Variants in CUBN observed in about 807,000 individuals in gnomAD.
The protein encoded by CUBN is 460 kDa receptor.
Under a neutral mutation model 405.3 loss-of-function variants are expected in CUBN, and 282 were observed. The observed-to-expected ratio is 0.70, with a 90% confidence interval of 0.63 to 0.77. The LOEUF (loss-of-function observed/expected upper bound fraction) is 0.77, where lower values mean the gene tolerates loss of function less well. CUBN is among the 30% of genes least tolerant of loss of function. The probability of loss-of-function intolerance (pLI) is 0.00; values close to 1 mark genes in which losing one functional copy is unlikely to be tolerated. For synonymous variants in CUBN, 1,684 were observed against 1,617.0 expected (o/e 1.04, Z -0.99); for missense variants, 4,514 against 4,475.2 (o/e 1.01, Z -0.25).
At chr10:17,116,558 G>C (rs922598532) in intron 6 of CUBN, among the ~76,000 whole-genome samples, 1 of 152,214 alleles carries the variant, frequency 6.6e-6, no homozygotes, top group African/African-American at 2.4e-5. Flanking sequence ...GGGCGTGCCT[G>C]CGTGGCCAGG....
At chr10:16,948,431 TACC>T in intron 35 of CUBN, 44 bp downstream of exon 35, 10 of 1,611,956 alleles carry the variant, frequency 6.2e-6, no homozygotes, top group Non-Finnish European at 2.5e-6. Flanking sequence ...CAAGAATTTC[TACC>T]ACATCCCTTT....
intron 33 of CUBN, among the ~76,000 whole-genome samples, chr10:16,951,666 A>G (rs925812976): frequency 1.3e-5 from 2 of 152,192 alleles, no homozygotes; most frequent in African/African-American, 4.8e-5. Context: ...GACTGTTACC[A>G]GGTCAGAAAA....
intron 22 of CUBN, among the ~76,000 whole-genome samples, chr10:17,052,052 G>T (rs983347300): frequency 5.9e-5 from 9 of 151,968 alleles, no homozygotes; most frequent in Non-Finnish European, 5.9e-5. Context: ...GTTGGGGCGG[G>T]GGGGAAGCCA....
chr10:16,929,625 T>C (rs1842309902), intron 40 of CUBN, among the ~76,000 whole-genome samples: 1 of 152,198 alleles, frequency 6.6e-6, no homozygotes, highest in Non-Finnish European at 1.5e-5. Context: ...ATGCTCAAAA[T>C]GGCATTCTTT....
intron 65 of CUBN, among the ~76,000 whole-genome samples, chr10:16,829,355 A>AAC (rs1554779111): frequency 1.1e-4 from 16 of 151,470 alleles, no homozygotes; most frequent in South Asian, 2.1e-4. Flanking sequence ...AAAAAAAAAA[A>AAC]AAACAAACTT....
At chr10:16,922,852 T>TTC (rs1842076558) in intron 43 of CUBN, among the ~76,000 whole-genome samples, 1 of 151,680 alleles carries the variant, frequency 6.6e-6, no homozygotes, top group African/African-American at 2.4e-5. Flanking sequence ...ATGTTCTTTT[T>TTC]TTTTTTTTTT....
intron 59 of CUBN, among the ~76,000 whole-genome samples, chr10:16,861,098 G>A (rs1839998777): frequency 6.6e-6 from 1 of 151,956 alleles, no homozygotes; most frequent in Admixed American, 6.6e-5. Flanking sequence ...CATTGAAATG[G>A]GATGCACCTG....
At chr10:16,951,483 A>G (rs1451728466) in intron 33 of CUBN, among the ~76,000 whole-genome samples, 1 of 152,160 alleles carries the variant, frequency 6.6e-6, no homozygotes, top group African/African-American at 2.4e-5. Context: ...ACTTTCCTAC[A>G]TTATGCCTGA....
At chr10:16,889,574 T>A (rs1840930034) in intron 55 of CUBN, among the ~76,000 whole-genome samples, 1 of 152,106 alleles carries the variant, frequency 6.6e-6, no homozygotes, top group South Asian at 2.1e-4. Context: ...GCTCCCAAAG[T>A]TGACTTAGCA....
In CUBN at chr10:16,937,617, A is replaced by G; in HGVS notation, c.5901T>C (p.Asp1967=). The stretch of plus-strand genomic sequence containing the variant: ...CTGGAGCAATGGTAGGTAAAACACC[A>G]TCAGGTGCATCCACTGCAAACCACT... The part of the protein sequence containing the change: ...LLEWFAVDAP[D]GVLPTIAPGA... The change falls in exon 39 of 67, where the codon GAT becomes GAC. Residue 1967 remains aspartate (D), a synonymous_variant. Coordinates refer to ENST00000377833, the MANE Select transcript of CUBN (RefSeq NM_001081.4). The G allele has an allele frequency of 1.2e-6, 2 of 1,614,046 alleles. No homozygotes were observed. The highest frequency in any genetic ancestry group is 1.7e-6 in the Non-Finnish European group (2 of 1,179,962).
chr10:17,068,495 A>T, intron 20 of CUBN, 110 bp downstream of exon 20: 1 of 1,025,900 alleles, frequency 9.7e-7, no homozygotes, highest in Non-Finnish European at 1.5e-6. Flanking sequence ...CTTTGAGTGT[A>T]CTTTAAAATT....
intron 28 of CUBN, among the ~76,000 whole-genome samples, chr10:17,002,547 G>A (rs1370750984): frequency 1.3e-5 from 2 of 152,142 alleles, no homozygotes; most frequent in East Asian, 1.9e-4. Flanking sequence ...ATGGGGAGGC[G>A]AGACTCCTGA....
intron 54 of CUBN, among the ~76,000 whole-genome samples, chr10:16,897,267 C>T (rs1467164311): frequency 2.0e-5 from 3 of 151,998 alleles, no homozygotes. Flanking sequence ...ACTTTGGGTC[C>T]TATTCAAATC....
At chr10:16,938,576 A>T (rs1251155530) in intron 38 of CUBN, among the ~76,000 whole-genome samples, 1 of 152,158 alleles carries the variant, frequency 6.6e-6, no homozygotes, top group Non-Finnish European at 1.5e-5. Context: ...CAATGTCTGG[A>T]TAGCAATGAT....
chr10:16,840,785 T>C (rs1839323790), intron 61 of CUBN, 100 bp downstream of exon 61: 1 of 1,064,826 alleles, frequency 9.4e-7, no homozygotes, highest in Non-Finnish European at 1.4e-6. Flanking sequence ...TTGAGTTTAG[T>C]AATTAACATT....
chr10:16,890,272 A>C, intron 55 of CUBN, 99 bp downstream of exon 55: 2 of 1,149,460 alleles, frequency 1.7e-6, no homozygotes, highest in South Asian at 2.5e-5. Context: ...GTAGACCCCC[A>C]TACTCCTCCC....
intron 27 of CUBN, among the ~76,000 whole-genome samples, chr10:17,025,387 C>T (rs79242144): frequency 0.014 from 2,060 of 152,264 alleles, 24 homozygotes; most frequent in East Asian, 0.033. Flanking sequence ...GTGTTCATAG[C>T]CCAGCTCTAA....
intron 28 of CUBN, among the ~76,000 whole-genome samples, chr10:17,010,264 G>A (rs907728680): frequency 2.0e-5 from 3 of 152,150 alleles, no homozygotes; most frequent in Non-Finnish European, 4.4e-5. Flanking sequence ...CAGAATCACG[G>A]AATACTACAG....
intron 60 of CUBN, among the ~76,000 whole-genome samples, chr10:16,849,432 C>G (rs1839614238): frequency 6.6e-6 from 1 of 152,214 alleles, no homozygotes; most frequent in African/African-American, 2.4e-5. Context: ...TTTGCTGTGT[C>G]CTCTCTATTC....
Sources: gnomAD v4.1 joint callset for allele counts (sites outside exome capture counted in the v4.1 genomes callset) on GRCh38, gnomAD v4.1.1 for gene constraint, MANE v1.5 for transcripts, NCBI Gene and HGNC (gene_info 2026-07-23, HGNC 2026-07-21) for gene names.